Variants in MYO16 observed in about 807,000 individuals in gnomAD.
MYO16 encodes myosin XVI, also known as unconventional myosin-XVI.
In MYO16, 94 loss-of-function variants were observed where a neutral mutation model predicts 205.3. The ratio of observed to expected loss-of-function variants is 0.46; its 90% CI spans 0.39 to 0.54. The LOEUF (loss-of-function observed/expected upper bound fraction) is 0.54, where lower values mean the gene tolerates loss of function less well. Among genes scored for constraint, MYO16 ranks in the 20% least tolerant of loss-of-function variants. The pLI, the probability that MYO16 is intolerant of heterozygous loss-of-function variation, is 0.00. For synonymous variants in MYO16, 988 were observed against 954.0 expected, an observed-to-expected ratio of 1.04 and a Z score of -0.66; for missense variants, 2,315 against 2,387.5, an observed-to-expected ratio of 0.97 and a Z score of 0.63.
chr13:108,649,177 A>T (rs551739444), intron 1 of MYO16, among the ~76,000 whole-genome samples: 2 of 152,114 alleles, frequency 1.3e-5, no homozygotes, highest in Non-Finnish European at 2.9e-5. Context: ...ATACGTATGT[A>T]ACTAACCTGC....
chr13:108,790,383 T>C (rs1418571664), intron 5 of MYO16, among the ~76,000 whole-genome samples: 1 of 152,206 alleles, frequency 6.6e-6, no homozygotes, highest in Non-Finnish European at 1.5e-5. Flanking sequence ...CAAGTAATAA[T>C]GTGTGGATTT....
At chr13:109,040,494 A>G (rs1886852913) in intron 23 of MYO16, among the ~76,000 whole-genome samples, 1 of 152,114 alleles carries the variant, frequency 6.6e-6, no homozygotes, top group Admixed American at 6.6e-5. Flanking sequence ...GAACTTAGCA[A>G]TATATAAAAA....
Position 108,759,756 on chromosome 13 carries a change from G to GC in MYO16, c.508-25879_508-25878insC, listed in dbSNP as rs778395543. Among the ~76,000 whole-genome samples the GC allele has an allele frequency of 1.4e-3, 211 of 150,682 alleles. 1 individual carries two copies. Among genetic ancestry groups the GC allele is most frequent in the Middle Eastern group, 3.4e-3 (1 of 292 alleles). On this transcript the variant is annotated intron_variant, in intron 4 of 34. Coordinates refer to ENST00000457511, the MANE Select transcript of MYO16 (RefSeq NM_001198950.3). ...GAATGGCGTGAACCCAGGAGGCGGAGTTGCAGTGAGCCGAGATCGCGCCAC... is the reference window on the plus strand; with the variant it reads ...GAATGGCGTGAACCCAGGAGGCGGAGCTTGCAGTGAGCCGAGATCGCGCCAC...
intron 1 of MYO16, among the ~76,000 whole-genome samples, chr13:108,648,105 C>A (rs1880834160): frequency 6.6e-6 from 1 of 152,190 alleles, no homozygotes; most frequent in Admixed American, 6.5e-5. Flanking sequence ...GGTGAGCCAA[C>A]TGCTTTACAT....
intron 8 of MYO16, among the ~76,000 whole-genome samples, chr13:108,820,742 A>G (rs565687963): frequency 1.3e-5 from 2 of 152,330 alleles, no homozygotes; most frequent in South Asian, 4.1e-4. Context: ...ACTGTTATTT[A>G]ACTAATATCT....
intron 1 of MYO16, among the ~76,000 whole-genome samples, chr13:108,619,276 A>G (rs527561056): frequency 1.3e-5 from 2 of 152,216 alleles, no homozygotes; most frequent in South Asian, 4.1e-4. Flanking sequence ...GCCAGTATTC[A>G]TGATATGTTA....
At chr13:108,863,390 A>C (rs1355675795) in intron 11 of MYO16, among the ~76,000 whole-genome samples, 1 of 152,078 alleles carries the variant, frequency 6.6e-6, no homozygotes, top group Non-Finnish European at 1.5e-5. Flanking sequence ...TTTCAAAGTT[A>C]TTTTTTAATC....
chr13:108,897,291 T>C (rs1031571936), intron 14 of MYO16, among the ~76,000 whole-genome samples: 1 of 152,190 alleles, frequency 6.6e-6, no homozygotes, highest in African/African-American at 2.4e-5. Flanking sequence ...GCAGTGGCTT[T>C]TATTCTACTG....
intron 34 of MYO16, among the ~76,000 whole-genome samples, chr13:109,205,931 G>T (rs1273314073): frequency 6.6e-6 from 1 of 152,206 alleles, no homozygotes; most frequent in Non-Finnish European, 1.5e-5. Context: ...AGAGCAGGCA[G>T]GTAGATACAC....
At position 108,782,336 on chromosome 13, in the gene MYO16, T is replaced by C. The variant is rs149941078; in HGVS notation, c.508-3299T>C. Among the ~76,000 whole-genome samples the C allele has an allele frequency of 4.0e-3, 602 of 152,272 alleles. 3 individuals carry two copies. The highest frequency in any genetic ancestry group is 0.013 in the African/African-American group (547 of 41,558). On this transcript the variant is annotated intron_variant, in intron 4 of 34. Transcript: ENST00000457511. ...GCATTTTGCCCCTGCCCTAGAAATT[T>C]GTGGAACTTTGAACTTGAGAGAGAT... is the stretch of plus-strand genomic sequence containing the variant.
chr13:108,616,558 A>G (rs1009573843), intron 1 of MYO16, among the ~76,000 whole-genome samples: 1 of 152,124 alleles, frequency 6.6e-6, no homozygotes. Flanking sequence ...TCGTGTATAA[A>G]CCACGCTGCC....
intron 23 of MYO16, among the ~76,000 whole-genome samples, chr13:109,029,488 A>G (rs9521133): frequency 0.035 from 5,324 of 152,236 alleles, 123 homozygotes; most frequent in Non-Finnish European, 0.046. Context: ...TGGGGGACAC[A>G]TTGTACCCAA....
At chr13:108,817,576 T>G (rs1367211974) in intron 7 of MYO16, among the ~76,000 whole-genome samples, 1 of 152,210 alleles carries the variant, frequency 6.6e-6, no homozygotes, top group Non-Finnish European at 1.5e-5. Context: ...TTTGTGGTGC[T>G]GATTACACAG....
At chr13:108,541,008 C>A in the MYO16 span, among the ~76,000 whole-genome samples, 2 of 152,090 alleles carry the variant, frequency 1.3e-5, no homozygotes, top group African/African-American at 4.8e-5. Flanking sequence ...TCTTAGGTGA[C>A]ATAAATATTG....
chr13:108,741,099 C>T (rs930277283), intron 4 of MYO16, among the ~76,000 whole-genome samples: 12 of 152,244 alleles, frequency 7.9e-5, no homozygotes, highest in Non-Finnish European at 1.8e-4. Context: ...AGCAATGCCT[C>T]GCCCTGCTTC....
At chr13:108,981,417 T>A (rs564337089) in intron 20 of MYO16, among the ~76,000 whole-genome samples, 2 of 152,384 alleles carry the variant, frequency 1.3e-5, no homozygotes, top group East Asian at 3.9e-4. Context: ...ATAAGTTTGA[T>A]GCTTCTCTTA....
chr13:108,877,640 C>T (rs1383061179), intron 12 of MYO16, among the ~76,000 whole-genome samples: 5 of 152,180 alleles, frequency 3.3e-5, no homozygotes, highest in Admixed American at 2.6e-4. Flanking sequence ...CAACCTTTCT[C>T]ATATTTATTT....
At chr13:108,563,515 C>A in the MYO16 span, among the ~76,000 whole-genome samples, 2 of 152,154 alleles carry the variant, frequency 1.3e-5, no homozygotes, top group Admixed American at 6.5e-5. Context: ...CTCTGATAAC[C>A]ATTCTTCTAA....
At position 108,942,108 on chromosome 13, in the gene MYO16, G is replaced by A. The variant is rs185401912; in HGVS notation, c.1926-15580G>A. Among the ~76,000 whole-genome samples, 233 of 152,258 alleles carry A rather than the reference G, an allele frequency of 1.5e-3. 2 individuals are homozygous for A. Among genetic ancestry groups the A allele is most frequent in the African/African-American group, 5.4e-3 (223 of 41,540 alleles). On this transcript the variant is annotated intron_variant, in intron 16 of 34. Coordinates refer to ENST00000457511, the MANE Select transcript of MYO16 (RefSeq NM_001198950.3). ...CAGAGAATACCAGAGAGGCTAACAG[G>A]CCTGCATTTGATAGTTGATTGTGAC...
Sources: gnomAD v4.1 joint callset for allele counts (sites outside exome capture counted in the v4.1 genomes callset) on GRCh38, gnomAD v4.1.1 for gene constraint, MANE v1.5 for transcripts, NCBI Gene and HGNC (gene_info 2026-07-23, HGNC 2026-07-21) for gene names.